CCDC30: variants seen among roughly 807,000 people sequenced by gnomAD.
The protein encoded by CCDC30 is coiled-coil domain containing 30, also known as coiled-coil domain-containing protein 30.
CCDC30 carries 70 observed loss-of-function variants against 100.2 expected under a neutral mutation model. The ratio of observed to expected loss-of-function variants is 0.70; its 90% CI spans 0.58 to 0.85. The LOEUF (loss-of-function observed/expected upper bound fraction) is 0.85, where lower values mean the gene tolerates loss of function less well. Among genes scored for constraint, CCDC30 ranks in the 40% least tolerant of loss-of-function variants. The pLI, the probability that CCDC30 is intolerant of heterozygous loss-of-function variation, is 0.00. For missense variants in CCDC30, 652 were observed against 771.2 expected, an observed-to-expected ratio of 0.85 and a Z score of 1.83; for synonymous variants, 233 against 269.5, an observed-to-expected ratio of 0.86 and a Z score of 1.33.
chr1:42,616,960 T>A lies in CCDC30; in HGVS notation c.1277+5870T>A, dbSNP rs548926700. Among the ~76,000 whole-genome samples the A allele has an allele frequency of 4.1e-4, 63 of 152,158 alleles. 1 individual carries two copies. The East Asian group carries it at 9.6e-3, about 23-fold the overall frequency. On this transcript the variant is annotated intron_variant, in intron 11 of 16. Coordinates refer to ENST00000668663, the Ensembl canonical transcript of CCDC30. ...TGTAAAGGATGATGGCTGTGAATAT[T>A]AGATAACAATGTGGGAAAATGCTTA...
intron 11 of CCDC30, among the ~76,000 whole-genome samples, chr1:42,632,997 A>T (rs918184823): frequency 8.6e-5 from 13 of 151,952 alleles, no homozygotes; most frequent in Admixed American, 7.2e-4. Context: ...TTTAGTAGAG[A>T]TGTGGTTTCA....
chr1:42,641,035 A>G (rs1647344273), intron 12 of CCDC30, among the ~76,000 whole-genome samples: 1 of 151,252 alleles, frequency 6.6e-6, no homozygotes, highest in African/African-American at 2.4e-5. Flanking sequence ...GCAGGAGGAT[A>G]GTTCGAGGCC....
At chr1:42,497,064 C>A in intron 4 of CCDC30, 34 bp from the exon 5 acceptor site, 1 of 1,136,396 alleles carries the variant, frequency 8.8e-7, no homozygotes, top group Non-Finnish European at 1.1e-6. Flanking sequence ...AAACTTTGAT[C>A]CAGTTGAGTA....
chr1:42,464,791 T>C (rs1280701367), intron 1 of CCDC30, among the ~76,000 whole-genome samples: 2 of 152,238 alleles, frequency 1.3e-5, no homozygotes, highest in African/African-American at 4.8e-5. Flanking sequence ...ATACAGAACA[T>C]ACACATTTTA....
chr1:42,572,629 A>ATTTTTTTTTTTTTTTTT (rs1015946376), intron 7 of CCDC30, among the ~76,000 whole-genome samples: 1 of 151,996 alleles, frequency 6.6e-6, no homozygotes, highest in South Asian at 2.1e-4. Context: ...TTGCTTATTT[A>ATTTTTTTTTTTTTTTTT]TTTTTGAGAT....
At chr1:42,502,639 C>G (rs1189615112) in intron 6 of CCDC30, among the ~76,000 whole-genome samples, 2 of 152,126 alleles carry the variant, frequency 1.3e-5, no homozygotes, top group Non-Finnish European at 2.9e-5. Flanking sequence ...AAATTTTTAT[C>G]CCCCAAGAGA....
chr1:42,647,186 T>G (rs1647955955), intron 15 of CCDC30, among the ~76,000 whole-genome samples: 1 of 152,090 alleles, frequency 6.6e-6, no homozygotes, highest in Non-Finnish European at 1.5e-5. Context: ...AACTATATAC[T>G]GCCCTCAAGA....
chr1:42,584,972 T>G (rs1646040616), intron 9 of CCDC30, among the ~76,000 whole-genome samples: 1 of 152,218 alleles, frequency 6.6e-6, no homozygotes, highest in Non-Finnish European at 1.5e-5. Flanking sequence ...TTGGTATCAT[T>G]TCTTTCTTAA....
At chr1:42,524,031 GT>G (rs1026276211) in intron 6 of CCDC30, among the ~76,000 whole-genome samples, 3 of 149,910 alleles carry the variant, frequency 2.0e-5, no homozygotes, top group African/African-American at 7.3e-5. Context: ...CCTTAATATA[GT>G]TTTTTAAAAG....
chr1:42,491,028 T>TACCG (rs1644131569), intron 4 of CCDC30, among the ~76,000 whole-genome samples: 2 of 152,244 alleles, frequency 1.3e-5, no homozygotes, highest in South Asian at 2.1e-4. Flanking sequence ...ATTTGACTAT[T>TACCG]TTAACGGTAA....
Position 42,644,369 on chromosome 1 carries a change from T to G in CCDC30, c.1557-324T>G, listed in dbSNP as rs1570342750. On this transcript the variant is annotated intron_variant, in intron 13 of 16. Transcript: ENST00000668663. Reference sequence around the variant, plus strand: ...GTTTTTCTGCCTGCTTTATATTCACTGGAAGCTGATTAGATTGTGCCCACC... The same window carrying G: ...GTTTTTCTGCCTGCTTTATATTCACGGGAAGCTGATTAGATTGTGCCCACC... 2.0e-5 allele frequency among the ~76,000 whole-genome samples: 3 copies of G among 152,274 alleles called. 1 individual carries two copies. In the Middle Eastern group the frequency reaches 0.01, roughly 518 times the overall value.
At chr1:42,470,432 G>T (rs1383629157) in intron 1 of CCDC30, among the ~76,000 whole-genome samples, 1 of 151,944 alleles carries the variant, frequency 6.6e-6, no homozygotes, top group Non-Finnish European at 1.5e-5. Flanking sequence ...GTTAAACATA[G>T]AATTATATAT....
chr1:42,560,168 A>T (rs1240298950), intron 6 of CCDC30, among the ~76,000 whole-genome samples: 3 of 152,176 alleles, frequency 2.0e-5, no homozygotes, highest in Admixed American at 6.5e-5. Flanking sequence ...TTATACCACT[A>T]AATGCCCACA....
intron 11 of CCDC30, among the ~76,000 whole-genome samples, chr1:42,616,014 C>A (rs1646721207): frequency 1.3e-5 from 2 of 152,020 alleles, no homozygotes; most frequent in African/African-American, 2.4e-5. Flanking sequence ...CTTCTGGGTT[C>A]AAGCGATTCT....
chr1:42,624,164 T>C (rs1015724972), intron 11 of CCDC30, among the ~76,000 whole-genome samples: 14 of 152,336 alleles, frequency 9.2e-5, no homozygotes, highest in East Asian at 1.9e-4. Flanking sequence ...TATAAAATTA[T>C]ATCATCTGCA....
intron 6 of CCDC30, among the ~76,000 whole-genome samples, chr1:42,552,027 A>T (rs1202821831): frequency 6.6e-6 from 1 of 152,040 alleles, no homozygotes; most frequent in Non-Finnish European, 1.5e-5. Flanking sequence ...TGGCCTCCCA[A>T]AGTGCTGGGA....
At position 42,490,414 on chromosome 1, in the gene CCDC30, T is replaced by A. The variant is rs188140132; in HGVS notation, c.241+185T>A. On this transcript the variant is annotated intron_variant, in intron 4 of 16. Transcript: ENST00000668663. ...CCGCATCTCAAAAGAATAAATTTTT[T>A]AAAAAATTATTATTTAATAATAATA... Among the ~76,000 whole-genome samples the A allele has an allele frequency of 3.1e-3, 467 of 151,222 alleles. 1 individual carries two copies. Among genetic ancestry groups the A allele is most frequent in the Non-Finnish European group, 5.1e-3 (348 of 67,826 alleles).
At chr1:42,598,936 C>T (rs775685622) in intron 10 of CCDC30, among the ~76,000 whole-genome samples, 1 of 151,930 alleles carries the variant, frequency 6.6e-6, no homozygotes, top group African/African-American at 2.4e-5. Flanking sequence ...AGGAGAAATA[C>T]TTTCTCAGAC....
chr1:42,539,372 A>G, intron 6 of CCDC30, 62 bp downstream of exon 8: 2 of 1,419,862 alleles, frequency 1.4e-6, no homozygotes, highest in Non-Finnish European at 1.9e-6. Context: ...AGGATAGGTT[A>G]AAAGGAAATT....
Sources: allele counts gnomAD v4.1 joint callset (sites outside exome capture counted in the v4.1 genomes callset), GRCh38; gene constraint gnomAD v4.1.1; transcripts MANE v1.5; gene names NCBI Gene and HGNC (gene_info 2026-07-23, HGNC 2026-07-21).